The following BPGM variants were observed in gnomAD, a reference collection of about 807,000 sequenced individuals.
The protein encoded by BPGM is 2,3-bisphosphoglycerate mutase, erythrocyte.
In BPGM, 15 loss-of-function variants were observed where a neutral mutation model predicts 21.6. The ratio of observed to expected loss-of-function variants is 0.70; its 90% CI spans 0.47 to 1.07. BPGM has a LOEUF of 1.07. Ranked by LOEUF, BPGM falls within the 50% of genes least tolerant of loss-of-function variation. The pLI is 0.00. For missense variants in BPGM, 273 were observed against 319.0 expected (o/e 0.86, Z 1.10); for synonymous variants, 113 against 116.2 (o/e 0.97, Z 0.18).
At chr7:134,655,209 T>C (rs1162668543) in intron 1 of BPGM, among the ~76,000 whole-genome samples, 1 of 152,142 alleles carries the variant, frequency 6.6e-6, no homozygotes, top group Non-Finnish European at 1.5e-5. Context: ...TAATTTGGGA[T>C]GGGGAGTATT....
chr7:134,660,062 G>A (rs777269095), intron 1 of BPGM, among the ~76,000 whole-genome samples: 38 of 152,248 alleles, frequency 2.5e-4, no homozygotes, highest in Admixed American at 9.8e-4. Context: ...AACACATGAC[G>A]ATACTTGCAA....
chr7:134,657,606 A>G (rs1363271318), intron 1 of BPGM, among the ~76,000 whole-genome samples: 1 of 152,146 alleles, frequency 6.6e-6, no homozygotes, highest in Non-Finnish European at 1.5e-5. Flanking sequence ...CATCACCTGA[A>G]CCTAACCCTA....
chr7:134,648,132 GT>G (rs1037270275), intron 1 of BPGM, among the ~76,000 whole-genome samples: 4 of 144,192 alleles, frequency 2.8e-5, no homozygotes, highest in Admixed American at 1.4e-4. Context: ...TTTTGTTTTG[GT>G]TTTTTTTTTG....
intron 2 of BPGM, among the ~76,000 whole-genome samples, chr7:134,676,983 T>TA (rs1234121102): frequency 6.6e-6 from 1 of 152,230 alleles, no homozygotes; most frequent in Non-Finnish European, 1.5e-5. Flanking sequence ...GCTAAACAGC[T>TA]AGAGGTCTGG....
At chr7:134,665,336 CCAT>C (rs1169688005) in intron 2 of BPGM, among the ~76,000 whole-genome samples, 5 of 90,822 alleles carry the variant, frequency 5.5e-5, no homozygotes, top group Non-Finnish European at 4.0e-5. Flanking sequence ...AAATTGGAAA[CCAT>C]CATTCTCAGT....
chr7:134,664,460 A>G (rs1795783415), intron 2 of BPGM, among the ~76,000 whole-genome samples: 1 of 152,114 alleles, frequency 6.6e-6, no homozygotes, highest in Admixed American at 6.6e-5. Flanking sequence ...CACCAATAAT[A>G]TTAGCCTGCC....
chr7:134,662,133 T>G (rs754966146), intron 2 of BPGM, 25 bp downstream of exon 2: 3 of 1,613,498 alleles, frequency 1.9e-6, no homozygotes, highest in Non-Finnish European at 2.5e-6. Context: ...TACCACTTAT[T>G]AGAGGTTGCC....
At chr7:134,656,484 G>A (rs1259186437) in intron 1 of BPGM, among the ~76,000 whole-genome samples, 1 of 152,212 alleles carries the variant, frequency 6.6e-6, no homozygotes, top group Admixed American at 6.5e-5. Context: ...AAGGAAAGAG[G>A]TTTAAATGAT....
intron 1 of BPGM, among the ~76,000 whole-genome samples, chr7:134,649,801 C>T (rs1359954355): frequency 6.6e-6 from 1 of 152,240 alleles, no homozygotes; most frequent in Non-Finnish European, 1.5e-5. Context: ...ATTCCTCCTT[C>T]TACCACCTAA....
chr7:134,671,058 C>A (rs1164661712), intron 2 of BPGM, among the ~76,000 whole-genome samples: 3 of 150,216 alleles, frequency 2.0e-5, no homozygotes, highest in Admixed American at 6.6e-5. Context: ...CTTTTTTTTT[C>A]TTGGTAAGGT....
intron 1 of BPGM, among the ~76,000 whole-genome samples, chr7:134,656,488 A>G (rs1040733141): frequency 2.6e-5 from 4 of 152,258 alleles, no homozygotes; most frequent in African/African-American, 9.6e-5. Flanking sequence ...AAAGAGGTTT[A>G]AATGATTCAC....
intron 1 of BPGM, among the ~76,000 whole-genome samples, chr7:134,648,262 A>C (rs1243851249): frequency 6.6e-6 from 1 of 150,438 alleles, no homozygotes; most frequent in Non-Finnish European, 1.5e-5. Flanking sequence ...CAGCCTCCCG[A>C]GTAGCTGGGA....
At chr7:134,660,316 T>C (rs3800694) in intron 1 of BPGM, 88,999 of 152,160 alleles carry the variant, frequency 0.58, 27,103 homozygotes, top group East Asian at 0.89. Context: ...AAGACCAGGC[T>C]GTAGTGCTCG....
At chr7:134,678,296 C>T (rs544478104) in intron 2 of BPGM, among the ~76,000 whole-genome samples, 73 of 152,318 alleles carry the variant, frequency 4.8e-4, no homozygotes, top group African/African-American at 1.5e-3. Context: ...AAAATCCCTT[C>T]CTGATTCCCT....
intron 1 of BPGM, among the ~76,000 whole-genome samples, chr7:134,657,871 T>C (rs1388684812): frequency 6.6e-6 from 1 of 152,082 alleles, no homozygotes; most frequent in Non-Finnish European, 1.5e-5. Flanking sequence ...TGTTGGGCAA[T>C]AACAGGAAAG....
In BPGM at chr7:134,678,880, T is replaced by G. The variant is rs1197035139; in HGVS notation, c.629T>G (p.Ile210Ser). Residue 210 changes from isoleucine (I) to serine (S), a missense_variant, in exon 3 of 3, where the codon ATT (isoleucine) becomes AGT (serine). By Grantham distance (142) the Ile-to-Ser change is moderately radical. Coordinates refer to ENST00000344924, the MANE Select transcript of BPGM (RefSeq NM_001724.5). ...EGISDEDIIN[I>S]TLPTGVPILL... ...ATCTCAGATGAAGACATCATCAACA[T>G]TACTCTTCCTACTGGAGTCCCCATT... 6.2e-7 allele frequency: 1 copy of G among 1,614,062 alleles called. No homozygotes were observed. Among genetic ancestry groups the G allele is most frequent in the Non-Finnish European group, 8.5e-7 (1 of 1,179,906 alleles).
chr7:134,661,540 T>C lies in BPGM; in HGVS notation c.33T>C (p.His11=). 6.2e-7 allele frequency: 1 copy of C among 1,614,100 alleles called. No individual in the cohort carries two copies. The highest frequency in any genetic ancestry group is 1.3e-5 in the African/African-American group (1 of 75,010). MSKYKLIMLR[H]GEGAWNKENR... is the part of the protein sequence containing the mutation. Reference sequence around the variant, plus strand: ...AGTACAAACTTATTATGTTAAGACATGGAGAGGGTGCTTGGAATAAGGAGA... The same window carrying C: ...AGTACAAACTTATTATGTTAAGACACGGAGAGGGTGCTTGGAATAAGGAGA... The change falls in exon 2 of 3, where the codon CAT becomes CAC. Residue 11 remains histidine (H), a synonymous_variant. Transcript: ENST00000344924. This position sits in a 1 kb window ranked among gnomAD's most constrained non-coding sequence, Gnocchi z 4.6.
chr7:134,674,982 GT>G (rs1480889319), intron 2 of BPGM, among the ~76,000 whole-genome samples: 1 of 152,138 alleles, frequency 6.6e-6, no homozygotes, highest in Admixed American at 6.5e-5. Context: ...GTATCTCATT[GT>G]GGTTTTGATT....
chr7:134,648,146 T>C (rs1795494924), intron 1 of BPGM, among the ~76,000 whole-genome samples: 1 of 145,486 alleles, frequency 6.9e-6, no homozygotes, highest in Non-Finnish European at 1.5e-5. Flanking sequence ...TTTTTTTGTT[T>C]TGTTTTCAGA....
Sources: allele counts gnomAD v4.1 joint callset (sites outside exome capture counted in the v4.1 genomes callset), GRCh38; gene constraint gnomAD v4.1.1; non-coding constraint Gnocchi (gnomAD v3.1); transcripts MANE v1.5; gene names NCBI Gene and HGNC (gene_info 2026-07-23, HGNC 2026-07-21).